The following SLC35B3 variants were observed in gnomAD, a reference collection of about 807,000 sequenced individuals.
SLC35B3 encodes the protein solute carrier family 35 member B3, also known as adenosine 3'-phospho 5'-phosphosulfate transporter 2.
In SLC35B3, 35 loss-of-function variants were observed where a neutral mutation model predicts 44.1. That is an observed-to-expected ratio of 0.79 (90% confidence interval 0.61 to 1.05). The LOEUF is 1.05. SLC35B3 is among the 50% of genes least tolerant of loss of function. The probability of loss-of-function intolerance (pLI) is 0.00; values close to 1 mark genes in which losing one functional copy is unlikely to be tolerated. For synonymous variants in SLC35B3, 146 were observed against 167.3 expected (o/e 0.87, Z 0.98); for missense variants, 414 against 476.4 (o/e 0.87, Z 1.22).
chr6:8,414,291 A>G (rs1202931974), intron 10 of SLC35B3, among the ~76,000 whole-genome samples: 1 of 152,212 alleles, frequency 6.6e-6, no homozygotes, highest in Non-Finnish European at 1.5e-5. Flanking sequence ...ATAGATTGTT[A>G]AGTTCTGGGT....
chr6:8,418,425 A>T (rs1275858131), intron 7 of SLC35B3, among the ~76,000 whole-genome samples: 1 of 151,904 alleles, frequency 6.6e-6, no homozygotes, highest in Non-Finnish European at 1.5e-5. Context: ...TTAATTCAGT[A>T]TGCTCTTTCT....
rs1181129307 is a variant in SLC35B3 at position 8,430,125 on chromosome 6, G to A, written c.36C>T (p.Asn12=). 10 of 1,601,742 alleles carry A rather than the reference G, an allele frequency of 6.2e-6. No individual in the cohort carries two copies. The highest frequency in any genetic ancestry group is 8.5e-6 in the Non-Finnish European group (10 of 1,174,810). Reference sequence around the variant, plus strand: ...TTTTGTTGGTTTCCTGGACTGTTATGTTCTGTATGTCTTTTGCTTGCTGTG... The same window carrying A: ...TTTTGTTGGTTTCCTGGACTGTTATATTCTGTATGTCTTTTGCTTGCTGTG... Residue 12 remains asparagine (N), a synonymous_variant, in exon 3 of 11, where the codon AAC becomes AAT. Coordinates refer to ENST00000644923, the MANE Select transcript of SLC35B3 (RefSeq NM_001370476.2).
At chr6:8,428,450 T>C (rs1763649674) in intron 3 of SLC35B3, among the ~76,000 whole-genome samples, 1 of 152,164 alleles carries the variant, frequency 6.6e-6, no homozygotes, top group Non-Finnish European at 1.5e-5. Context: ...TGTATGAATA[T>C]GCATACATCT....
At position 8,435,273 on chromosome 6, in the gene SLC35B3, G is replaced by A; in HGVS notation, c.-44+70C>T. The A allele has an allele frequency of 7.8e-7, 1 of 1,289,396 alleles. No homozygotes were observed. The highest frequency in any genetic ancestry group is 1.0e-6 in the Non-Finnish European group (1 of 988,878). The allele number at this position is 1,289,396 out of a possible 1,614,324, so 79.9% of individuals were successfully genotyped here. On this transcript the variant is annotated intron_variant, in intron 1 of 10. Coordinates refer to ENST00000644923, the MANE Select transcript of SLC35B3 (RefSeq NM_001370476.2). This position sits in a 1 kb window ranked among gnomAD's most constrained non-coding sequence, Gnocchi z 5.5. ...TCCTTCTGGATGAGGAAGATGGGCA[G>A]TGTCAAGGTTTTCTGGAGGAGAGGA...
chr6:8,414,373 A>G (rs1481448206), intron 10 of SLC35B3, among the ~76,000 whole-genome samples: 2 of 152,212 alleles, frequency 1.3e-5, no homozygotes, highest in Non-Finnish European at 1.5e-5. Flanking sequence ...AAGACAGTAA[A>G]TATGATAGTA....
intron 4 of SLC35B3, among the ~76,000 whole-genome samples, chr6:8,422,854 A>G (rs1462989998): frequency 1.3e-5 from 2 of 152,190 alleles, no homozygotes; most frequent in African/African-American, 4.8e-5. Flanking sequence ...AGGCCACTCA[A>G]TTATGTAAAA....
chr6:8,427,429 C>G (rs181286523), intron 4 of SLC35B3, among the ~76,000 whole-genome samples: 2 of 152,332 alleles, frequency 1.3e-5, no homozygotes, highest in Admixed American at 6.5e-5. Context: ...GGTCATGGTG[C>G]ACATTTTATA....
chr6:8,423,650 TTG>T (rs757876549), intron 4 of SLC35B3, among the ~76,000 whole-genome samples: 4 of 152,214 alleles, frequency 2.6e-5, no homozygotes, highest in Non-Finnish European at 4.4e-5. Context: ...ATTTTAGAAT[TTG>T]TGTTCACATT....
In SLC35B3 at chr6:8,435,223, C is replaced by G. The variant is rs1401465355; in HGVS notation, c.-44+120G>C. 7.8e-7 allele frequency: 1 copy of G among 1,289,162 alleles called. No homozygotes were observed. The highest frequency in any genetic ancestry group is 1.5e-5 in the African/African-American group (1 of 65,842). 79.9% of individuals were successfully genotyped at this position (1,289,162 alleles called of 1,614,324 possible). On this transcript the variant is annotated intron_variant, in intron 1 of 10. Coordinates refer to ENST00000644923, the MANE Select transcript of SLC35B3 (RefSeq NM_001370476.2). This position sits in a 1 kb window ranked among gnomAD's most constrained non-coding sequence, Gnocchi z 5.5. The stretch of plus-strand genomic sequence containing the variant: ...AAGGGAATCACCCGTTTCTTCCATC[C>G]CGACCTCATCCATTCCTCGAACGCT...
At position 8,421,274 on chromosome 6, in the gene SLC35B3, C is replaced by T. The variant is rs534063353; in HGVS notation, c.575-446G>A. Among the ~76,000 whole-genome samples, 6 of 152,204 alleles carry T rather than the reference C, an allele frequency of 3.9e-5. No individual in the cohort carries two copies. The South Asian group carries it at 1.0e-3, about 26-fold the overall frequency. ...TGCAAATATCATAATGTGATAACTT[C>T]CAGGCAGGTGAAAATTAAATTATTT... is the stretch of plus-strand genomic sequence containing the variant. On this transcript the variant is annotated intron_variant, in intron 5 of 10. Coordinates refer to ENST00000644923, the MANE Select transcript of SLC35B3 (RefSeq NM_001370476.2).
intron 10 of SLC35B3, 67 bp downstream of exon 9, chr6:8,414,841 A>G: frequency 1.2e-6 from 1 of 838,612 alleles, no homozygotes; most frequent in African/African-American, 1.7e-5. Flanking sequence ...TGAAATTAAG[A>G]TTAAGAGGAA....
chr6:8,435,539 C>T lies in SLC35B3; in HGVS notation c.-240G>A. ...CTCCGGCGCCCGCAGGCCACTTCCG[C>T]CTATGTGTCCCTGCGCGCGTGCGCA... On this transcript the variant is annotated 5_prime_UTR_variant, in exon 1 of 11. Coordinates refer to ENST00000644923, the MANE Select transcript of SLC35B3 (RefSeq NM_001370476.2). The surrounding 1 kb of genome is among the most constrained non-coding windows in gnomAD (Gnocchi z 5.5). The T allele has an allele frequency of 2.3e-6, 1 of 435,634 alleles. No individual in the cohort carries two copies. Among genetic ancestry groups the T allele is most frequent in the South Asian group, 1.9e-5 (1 of 51,590 alleles). 27.0% of individuals were successfully genotyped at this position (435,634 alleles called of 1,614,324 possible).
At chr6:8,414,771 AC>A in intron 10 of SLC35B3, 136 bp downstream of exon 9, 2 of 444,794 alleles carry the variant, frequency 4.5e-6, no homozygotes, top group Non-Finnish European at 7.9e-6. Context: ...AGGAAAAAAA[AC>A]CACATTAATT....
rs1429318467 is a variant in SLC35B3 at position 8,413,413 on chromosome 6, A to G, written c.*136T>C. 1 of 741,718 alleles carries G rather than the reference A, an allele frequency of 1.3e-6. No homozygotes were observed. Among genetic ancestry groups the G allele is most frequent in the African/African-American group, 1.9e-5 (1 of 53,880 alleles). The allele number at this position is 741,718 out of a possible 1,614,324, so 45.9% of individuals were successfully genotyped here. Reference sequence around the variant, plus strand: ...CTGAAGAAAAGGCTGACACCGCAAAACAACTTCATATGAAATCTGTCCACA... The same window carrying G: ...CTGAAGAAAAGGCTGACACCGCAAAGCAACTTCATATGAAATCTGTCCACA... On this transcript the variant is annotated 3_prime_UTR_variant, in exon 11 of 11. Transcript: ENST00000644923.
At chr6:8,422,820 C>A (rs1474443806) in intron 4 of SLC35B3, among the ~76,000 whole-genome samples, 196 bp from the exon 4 acceptor site, 2 of 151,856 alleles carry the variant, frequency 1.3e-5, no homozygotes, top group African/African-American at 4.8e-5. Flanking sequence ...TAACAATTTA[C>A]CTTTATTTAG....
rs868447524 is a variant in SLC35B3 at position 8,417,241 on chromosome 6, A to G, written c.873+161T>C. Among the ~76,000 whole-genome samples, 3 of 152,276 alleles carry G rather than the reference A, an allele frequency of 2.0e-5. No individual in the cohort carries two copies. In the South Asian group the frequency reaches 6.2e-4, roughly 32 times the overall value. On this transcript the variant is annotated intron_variant, in intron 8 of 10. Coordinates refer to ENST00000644923, the MANE Select transcript of SLC35B3 (RefSeq NM_001370476.2). ...TACAGCAAGGATAAAATAAATTTAA[A>G]TATCAGTCATTTCATTTCTGAAATT... is the stretch of plus-strand genomic sequence containing the variant.
In SLC35B3 at chr6:8,435,129, GA is replaced by G; in HGVS notation, c.-44+213del. On this transcript the variant is annotated intron_variant, in intron 1 of 10. Transcript: ENST00000644923. The surrounding 1 kb of genome is among the most constrained non-coding windows in gnomAD (Gnocchi z 5.5). Reference sequence around the variant, plus strand: ...AGGGAGTTCTCGCCAGCCCGAGGGCGAAAAACGGGCGAGGAGGAACAGATGC... The same window carrying G: ...AGGGAGTTCTCGCCAGCCCGAGGGCGAAAACGGGCGAGGAGGAACAGATGC... The G allele has an allele frequency of 7.9e-7, 1 of 1,269,238 alleles. No individual in the cohort carries two copies. Among genetic ancestry groups the G allele is most frequent in the Admixed American group, 2.4e-5 (1 of 41,804 alleles). 78.6% of individuals were successfully genotyped at this position (1,269,238 alleles called of 1,614,324 possible).
At chr6:8,428,095 C>T in intron 3 of SLC35B3, 37 bp from the exon 3 acceptor site, 1 of 1,399,328 alleles carries the variant, frequency 7.1e-7, no homozygotes, top group Non-Finnish European at 9.4e-7. Context: ...AAGTCCAAGG[C>T]AGCACACTAA....
chr6:8,420,763 TAA>T lies in SLC35B3; in HGVS notation c.638_639del (p.Phe213TyrfsTer4). On this transcript the variant is annotated frameshift_variant, in exon 6 of 11. Transcript: ENST00000644923. LOFTEE classifies it high-confidence loss of function. This position sits in a 1 kb window ranked among gnomAD's most constrained non-coding sequence, Gnocchi z 4.4. ...GGTGCAGTTGTGCTGTCAGCGAGGG[TAA>T]ACCATATCAGGCCAAGGCTCATACA... 6.2e-7 allele frequency: 1 copy of T among 1,613,600 alleles called. No individual in the cohort carries two copies. Among genetic ancestry groups the T allele is most frequent in the Non-Finnish European group, 8.5e-7 (1 of 1,179,600 alleles).
Sources: gnomAD v4.1 joint callset for allele counts (sites outside exome capture counted in the v4.1 genomes callset) on GRCh38, gnomAD v4.1.1 for gene constraint, Gnocchi (gnomAD v3.1) non-coding constraint, MANE v1.5 for transcripts, NCBI Gene and HGNC (gene_info 2026-07-23, HGNC 2026-07-21) for gene names.